BANP: variants seen among roughly 807,000 people sequenced by gnomAD.
BANP encodes BTG3 associated nuclear protein.
BANP carries 11 observed loss-of-function variants against 68.1 expected under a neutral mutation model. The observed-to-expected ratio is 0.16, with a 90% CI of 0.10 to 0.27. The LOEUF is 0.27. Among genes scored for constraint, BANP ranks in the 10% least tolerant of loss-of-function variants. The probability of loss-of-function intolerance (pLI) is 1.00; values close to 1 mark genes in which losing one functional copy is unlikely to be tolerated. For missense variants in BANP, 504 were observed against 722.7 expected, an observed-to-expected ratio of 0.70 and a Z score of 3.47; for synonymous variants, 329 against 303.2, an observed-to-expected ratio of 1.09 and a Z score of -0.88.
At chr16:87,993,948 A>G (rs535557893) in intron 4 of BANP, among the ~76,000 whole-genome samples, 3 of 152,208 alleles carry the variant, frequency 2.0e-5, no homozygotes, top group East Asian at 1.9e-4. Flanking sequence ...CTCCGGGCTC[A>G]TTGTGAGTGC....
intron 11 of BANP, among the ~76,000 whole-genome samples, chr16:88,060,338 G>A (rs2086383660): frequency 6.6e-6 from 1 of 152,238 alleles, no homozygotes. Flanking sequence ...TGGATGGTCA[G>A]TGTGGGGCTG....
At chr16:88,068,176 C>T (rs1000513289) in intron 12 of BANP, among the ~76,000 whole-genome samples, 4 of 152,218 alleles carry the variant, frequency 2.6e-5, no homozygotes, top group Non-Finnish European at 5.9e-5. Flanking sequence ...TGCAGAGCTC[C>T]GGCTGTGTGG....
chr16:87,969,091 A>T (rs1424500679), intron 1 of BANP, among the ~76,000 whole-genome samples: 1 of 152,098 alleles, frequency 6.6e-6, no homozygotes, highest in East Asian at 1.9e-4. Flanking sequence ...TGCCCAGTTG[A>T]TATTCACGGG....
intron 11 of BANP, among the ~76,000 whole-genome samples, chr16:88,056,291 T>A (rs1163036490): frequency 6.6e-6 from 1 of 152,214 alleles, no homozygotes; most frequent in African/African-American, 2.4e-5. Flanking sequence ...GTTTCAGGCT[T>A]GAGTGATGAC....
At chr16:88,025,127 G>A (rs2076740623) in intron 7 of BANP, among the ~76,000 whole-genome samples, 1 of 152,182 alleles carries the variant, frequency 6.6e-6, no homozygotes, top group African/African-American at 2.4e-5. Flanking sequence ...CTGGTGGGAT[G>A]GCTGTTTCTT....
At chr16:88,007,204 AC>A (rs1449530986) in intron 6 of BANP, among the ~76,000 whole-genome samples, 2 of 152,044 alleles carry the variant, frequency 1.3e-5, no homozygotes, top group Non-Finnish European at 2.9e-5. Flanking sequence ...GCCCCCTCTA[AC>A]CTTTCGTTAT....
intron 1 of BANP, among the ~76,000 whole-genome samples, chr16:87,971,611 G>C (rs898593550): frequency 6.8e-6 from 1 of 147,704 alleles, no homozygotes; most frequent in South Asian, 2.2e-4. Context: ...TTATTGGGCT[G>C]TATCTTGGTG....
At chr16:88,005,855 G>A (rs1013425961) in intron 5 of BANP, among the ~76,000 whole-genome samples, 1 of 152,228 alleles carries the variant, frequency 6.6e-6, no homozygotes, top group Non-Finnish European at 1.5e-5. Flanking sequence ...TACTCCTTTT[G>A]TGATACAAAC....
intron 2 of BANP, chr16:87,980,772 T>G (rs1218800306): frequency 2.3e-6 from 1 of 441,230 alleles, no homozygotes; most frequent in Non-Finnish European, 4.1e-6. Flanking sequence ...GAGCATGGAG[T>G]CAGAAGTCAG....
In BANP at chr16:88,039,254, C is replaced by G. The variant is rs147505543; in HGVS notation, c.1311+1243C>G. Among the ~76,000 whole-genome samples, 1,032 of 151,334 alleles carry G rather than the reference C, an allele frequency of 6.8e-3. 10 individuals are homozygous for G. Among genetic ancestry groups the G allele is most frequent in the Non-Finnish European group, 0.011 (712 of 67,630 alleles). On this transcript the variant is annotated intron_variant, in intron 11 of 13. Transcript: ENST00000682872. ...ATGAATTGCTGCTCTGGAAAAGAGCCAAAGGAATGCGCAGCTTTTAAATCC... is the reference window on the plus strand; with the variant it reads ...ATGAATTGCTGCTCTGGAAAAGAGCGAAAGGAATGCGCAGCTTTTAAATCC...
In BANP at chr16:87,984,148, C is replaced by G; in HGVS notation, c.251C>G (p.Ser84Cys). The G allele has an allele frequency of 6.2e-7, 1 of 1,611,110 alleles. No individual in the cohort carries two copies. The highest frequency in any genetic ancestry group is 1.7e-4 in the Middle Eastern group (1 of 6,058). Residue 84 changes from serine to cysteine, a missense_variant, in exon 4 of 14, where the codon TCC becomes TGC. By Grantham distance (112) the Ser-to-Cys change is moderately radical (BLOSUM62 -1). Coordinates refer to ENST00000682872, the MANE Select transcript of BANP (RefSeq NM_001386991.1). ...CAAGCCCTGGAGGCTACTTGTAAATCCTTAGAAGAAAAGCTGGATCTGGTC... is the reference window on the plus strand; with the variant it reads ...CAAGCCCTGGAGGCTACTTGTAAATGCTTAGAAGAAAAGCTGGATCTGGTC... ...KLQALEATCK[S>C]LEEKLDLVTN...
chr16:88,035,557 A>G (rs971195136), intron 10 of BANP, among the ~76,000 whole-genome samples, 163 bp downstream of exon 10: 3 of 152,244 alleles, frequency 2.0e-5, no homozygotes, highest in Non-Finnish European at 4.4e-5. Context: ...GCGGGCCTGC[A>G]GTCTCTGTGG....
intron 11 of BANP, among the ~76,000 whole-genome samples, chr16:88,061,096 G>C (rs551606885): frequency 6.6e-6 from 1 of 152,304 alleles, no homozygotes; most frequent in Admixed American, 6.5e-5. Flanking sequence ...CGAGTTTTTA[G>C]CCTTTGTGTT....
chr16:88,056,399 A>C (rs924171488), intron 11 of BANP, among the ~76,000 whole-genome samples: 1 of 151,716 alleles, frequency 6.6e-6, no homozygotes. Flanking sequence ...AAGAATCTTT[A>C]AGTCAGGCAA....
At chr16:87,983,609 A>AGG (rs2063722382) in intron 3 of BANP, among the ~76,000 whole-genome samples, 1 of 152,004 alleles carries the variant, frequency 6.6e-6, no homozygotes, top group Non-Finnish European at 1.5e-5. Flanking sequence ...TCAGGGCCAC[A>AGG]GGGGGTCCCG....
intron 6 of BANP, among the ~76,000 whole-genome samples, chr16:88,011,111 A>G (rs1394441153): frequency 6.6e-6 from 1 of 152,192 alleles, no homozygotes; most frequent in Non-Finnish European, 1.5e-5. Context: ...TCTGAGTGCC[A>G]CAGAGCGGCC....
rs1343528574 is a variant in BANP, at chr16:88,031,141, C to T, written c.1064-1968C>T. On this transcript the variant is annotated intron_variant, in intron 8 of 13. Coordinates refer to ENST00000682872, the MANE Select transcript of BANP (RefSeq NM_001386991.1). Reference sequence around the variant, plus strand: ...ACTGCTCAGGCAGACAGGAAGCCGCCGTGGAGCACGCAGCACTGCCTGGCG... The same window carrying T: ...ACTGCTCAGGCAGACAGGAAGCCGCTGTGGAGCACGCAGCACTGCCTGGCG... Among the ~76,000 whole-genome samples, 5 of 152,336 alleles carry T rather than the reference C, an allele frequency of 3.3e-5. No individual in the cohort carries two copies. The East Asian group carries it at 7.7e-4, about 24-fold the overall frequency.
intron 10 of BANP, chr16:88,037,269 C>T (rs1377842388): frequency 3.3e-5 from 5 of 152,086 alleles, no homozygotes; most frequent in African/African-American, 1.2e-4. Context: ...AAACTGAATC[C>T]ATCTTGTATA....
At chr16:87,983,527 G>A (rs1303120158) in intron 3 of BANP, among the ~76,000 whole-genome samples, 1 of 152,104 alleles carries the variant, frequency 6.6e-6, no homozygotes, top group Non-Finnish European at 1.5e-5. Flanking sequence ...CGTGGAGCCC[G>A]GCTTTGCCAA....
Sources: gnomAD v4.1 joint callset for allele counts (sites outside exome capture counted in the v4.1 genomes callset) on GRCh38, gnomAD v4.1.1 for gene constraint, MANE v1.5 for transcripts, NCBI Gene and HGNC (gene_info 2026-07-23, HGNC 2026-07-21) for gene names.